SLC45A4: variants seen among roughly 807,000 people sequenced by gnomAD.
The protein encoded by SLC45A4 is solute carrier family 45 member 4, also known as polyamine-transporter SLC45A4.
SLC45A4 carries 32 observed loss-of-function variants against 63.7 expected under a neutral mutation model. The ratio of observed to expected loss-of-function variants is 0.50; its 90% CI spans 0.38 to 0.67. The LOEUF is 0.67. Ranked by LOEUF, SLC45A4 falls within the 30% of genes least tolerant of loss-of-function variation. SLC45A4 has a pLI of 0.00. For missense variants in SLC45A4, 1,027 were observed against 1,157.7 expected, an observed-to-expected ratio of 0.89 and a Z score of 1.64; for synonymous variants, 535 against 510.0, an observed-to-expected ratio of 1.05 and a Z score of -0.66.
At chr8:141,246,349 C>T (rs1345467032) in intron 2 of SLC45A4, among the ~76,000 whole-genome samples, 2 of 152,222 alleles carry the variant, frequency 1.3e-5, no homozygotes, top group Non-Finnish European at 2.9e-5. Flanking sequence ...AATTCAGGCA[C>T]AGCTCTGCGG....
At chr8:141,243,465 C>T (rs1828012269) in intron 2 of SLC45A4, among the ~76,000 whole-genome samples, 1 of 152,206 alleles carries the variant, frequency 6.6e-6, no homozygotes, top group Admixed American at 6.5e-5. Flanking sequence ...CCTGAAATGA[C>T]ATTTGCCAAA....
At chr8:141,228,152 A>G (rs372736779) in intron 2 of SLC45A4, 298 of 1,613,700 alleles carry the variant, frequency 1.8e-4, no homozygotes, top group Non-Finnish European at 2.2e-4. Context: ...GGGTGGAGGC[A>G]GCAGTTTTGA....
chr8:141,252,937 G>A (rs1366556376), intron 2 of SLC45A4, among the ~76,000 whole-genome samples: 3 of 151,730 alleles, frequency 2.0e-5, no homozygotes, highest in Non-Finnish European at 4.4e-5. Flanking sequence ...GCGTGTCTGT[G>A]AATTTCCGTG....
chr8:141,307,475 T>C (rs1199130867), intron 1 of SLC45A4, among the ~76,000 whole-genome samples: 1 of 151,174 alleles, frequency 6.6e-6, no homozygotes, highest in African/African-American at 2.4e-5. Context: ...GGACACTGGC[T>C]AGCAGTGCTG....
At chr8:141,263,212 T>C (rs1412460571) in intron 1 of SLC45A4, among the ~76,000 whole-genome samples, 1 of 87,370 alleles carries the variant, frequency 1.1e-5, no homozygotes, top group Non-Finnish European at 2.1e-5. Flanking sequence ...CGGGGACTGT[T>C]GTGGGGTGGG....
chr8:141,218,702 A>C lies in SLC45A4; in HGVS notation c.938T>G (p.Val313Gly). ...MRSKSDSALH[V>G]PDTALDLEPE... ...CTCCAGGTCCAGCGCGGTGTCCGGCACGTGCAATGCCGAGTCGCTTTTGCT... is the reference window on the plus strand; with the variant it reads ...CTCCAGGTCCAGCGCGGTGTCCGGCCCGTGCAATGCCGAGTCGCTTTTGCT... Residue 313 changes from valine to glycine, a missense_variant, in exon 5 of 9, where the codon GTG becomes GGG. Transcript: ENST00000517878. The C allele has an allele frequency of 1.2e-6, 2 of 1,612,704 alleles. No homozygotes were observed. The highest frequency in any genetic ancestry group is 8.5e-7 in the Non-Finnish European group (1 of 1,179,380).
intron 8 of SLC45A4, 79 bp downstream of exon 8, chr8:141,212,118 G>T: frequency 7.0e-7 from 1 of 1,434,234 alleles, no homozygotes; most frequent in South Asian, 1.5e-5. Context: ...CTCTGCTCCC[G>T]CCCATGGCCT....
At chr8:141,277,556 T>C (rs1386035788) in intron 1 of SLC45A4, among the ~76,000 whole-genome samples, 3 of 152,222 alleles carry the variant, frequency 2.0e-5, no homozygotes, top group South Asian at 2.1e-4. Context: ...TCACGTACTT[T>C]AGATGTTTTA....
chr8:141,228,339 T>C, intron 2 of SLC45A4: 1 of 1,588,314 alleles, frequency 6.3e-7, no homozygotes. Flanking sequence ...TTTCTCCTCT[T>C]CAACAAGGAG....
rs1035378988 is a variant in SLC45A4 at position 141,208,942 on chromosome 8, G to C, written c.*2630C>G. 2 of 152,538 alleles carry C rather than the reference G, an allele frequency of 1.3e-5. No homozygotes were observed. Among genetic ancestry groups the C allele is most frequent in the African/African-American group, 4.8e-5 (2 of 41,452 alleles). The allele number at this position is 152,538 out of a possible 1,614,324, so 9.4% of individuals were successfully genotyped here. ...TAACTGGTCTGCGCACATTACACAAGACTCGACCAACCGACACACCCTGCC... is the reference window on the plus strand; with the variant it reads ...TAACTGGTCTGCGCACATTACACAACACTCGACCAACCGACACACCCTGCC... On this transcript the variant is annotated 3_prime_UTR_variant, in exon 9 of 9. Transcript: ENST00000517878.
At position 141,270,296 on chromosome 8, in the gene SLC45A4, G is replaced by A. The variant is rs146788115; in HGVS notation, c.-400-15667C>T. 3.5e-3 allele frequency among the ~76,000 whole-genome samples: 527 copies of A among 151,890 alleles called. 2 individuals are homozygous for A. Among genetic ancestry groups the A allele is most frequent in the African/African-American group, 0.012 (485 of 41,388 alleles). On this transcript the variant is annotated intron_variant, in intron 1 of 8. Coordinates refer to ENST00000517878, the MANE Select transcript of SLC45A4 (RefSeq NM_001286646.2). ...AATCCTAGCACTTTGGGAGGCTGAG[G>A]AAGGAGGATTGCTTGGGGCCAGGAG...
At position 141,240,424 on chromosome 8, in the gene SLC45A4, G is replaced by A. The variant is rs556638402; in HGVS notation, c.241+13565C>T. ...AGGGGAGACTGGACTTCTCCTTCCCGAGGGAAAAAGGCTACATGGGAAAAA... is the reference window on the plus strand; with the variant it reads ...AGGGGAGACTGGACTTCTCCTTCCCAAGGGAAAAAGGCTACATGGGAAAAA... On this transcript the variant is annotated intron_variant, in intron 2 of 8. Transcript: ENST00000517878. Among the ~76,000 whole-genome samples the A allele has an allele frequency of 5.3e-5, 8 of 152,304 alleles. No individual in the cohort carries two copies. The South Asian group carries it at 1.2e-3, about 24-fold the overall frequency.
At chr8:141,277,578 T>TAA (rs1177178564) in intron 1 of SLC45A4, among the ~76,000 whole-genome samples, 1 of 152,184 alleles carries the variant, frequency 6.6e-6, no homozygotes. Context: ...ATTTTACTGT[T>TAA]AGTTCACTAA....
chr8:141,247,396 A>G (rs1828265937), intron 2 of SLC45A4, among the ~76,000 whole-genome samples: 2 of 140,160 alleles, frequency 1.4e-5, no homozygotes, highest in South Asian at 4.5e-4. Context: ...CCTAGGAGAA[A>G]TTAAAGACTT....
intron 5 of SLC45A4, 62 bp from the exon 6 acceptor site, chr8:141,217,251 G>GT: frequency 6.5e-7 from 1 of 1,541,938 alleles, no homozygotes; most frequent in East Asian, 2.3e-5. Flanking sequence ...GGCCAGGAGC[G>GT]TATTTCCCAT....
intron 1 of SLC45A4, among the ~76,000 whole-genome samples, chr8:141,279,364 CTTTG>C (rs1188894301): frequency 1.3e-5 from 2 of 152,254 alleles, no homozygotes; most frequent in Admixed American, 6.5e-5. Context: ...TCATAGCTGA[CTTTG>C]TTTGAAGGAG....
At chr8:141,268,894 G>A (rs533549280) in intron 1 of SLC45A4, among the ~76,000 whole-genome samples, 4 of 152,246 alleles carry the variant, frequency 2.6e-5, no homozygotes, top group East Asian at 1.9e-4. Context: ...ATCATACAAC[G>A]AGCCTCTAGT....
At chr8:141,290,074 C>G (rs1445158180) in intron 1 of SLC45A4, among the ~76,000 whole-genome samples, 1 of 152,082 alleles carries the variant, frequency 6.6e-6, no homozygotes, top group African/African-American at 2.4e-5. Flanking sequence ...TTATGCTAGA[C>G]AGTACTATCA....
intron 1 of SLC45A4, among the ~76,000 whole-genome samples, chr8:141,307,815 G>T (rs1488455615): frequency 2.2e-5 from 3 of 135,258 alleles, no homozygotes; most frequent in African/African-American, 8.0e-5. Flanking sequence ...GGGGGCCGGG[G>T]TGGGGGGAAT....
Sources: gnomAD v4.1 joint callset for allele counts (sites outside exome capture counted in the v4.1 genomes callset) on GRCh38, gnomAD v4.1.1 for gene constraint, MANE v1.5 for transcripts, NCBI Gene and HGNC (gene_info 2026-07-23, HGNC 2026-07-21) for gene names.